Variants in SPMIP2 observed in about 807,000 individuals in gnomAD.
SPMIP2 encodes the protein protein SPMIP2.
chr4:159,022,402 T>A, the SPMIP2 span, among the ~76,000 whole-genome samples: 1 of 152,198 alleles, frequency 6.6e-6, no homozygotes, highest in Non-Finnish European at 1.5e-5. Context: ...TATGTTCCCA[T>A]CTTCTGATCT....
At chr4:159,030,007 T>A in the SPMIP2 span, among the ~76,000 whole-genome samples, 1 of 152,182 alleles carries the variant, frequency 6.6e-6, no homozygotes, top group Non-Finnish European at 1.5e-5. Flanking sequence ...AGTTAAGTGG[T>A]CGAGTATACC....
At chr4:158,963,889 C>T in the SPMIP2 span, among the ~76,000 whole-genome samples, 4 of 152,066 alleles carry the variant, frequency 2.6e-5, no homozygotes, top group Non-Finnish European at 5.9e-5. Flanking sequence ...CAGCCGAGTA[C>T]GGTGGCTCAC....
At chr4:158,899,667 G>A in the SPMIP2 span, among the ~76,000 whole-genome samples, 5 of 152,164 alleles carry the variant, frequency 3.3e-5, no homozygotes, top group African/African-American at 1.2e-4. Flanking sequence ...TCTGATGTTA[G>A]TTTGTATTTC....
chr4:159,039,043 A>G, the SPMIP2 span, among the ~76,000 whole-genome samples: 377 of 152,182 alleles, frequency 2.5e-3, 4 homozygotes, highest in Middle Eastern at 6.8e-3. Flanking sequence ...CAGGGGCTCA[A>G]TCATGGCTCA....
At chr4:158,932,923 A>C in the SPMIP2 span, among the ~76,000 whole-genome samples, 2 of 152,240 alleles carry the variant, frequency 1.3e-5, no homozygotes, top group African/African-American at 4.8e-5. Context: ...TATTACAAAG[A>C]TTCAGCCATG....
the SPMIP2 span, chr4:158,905,381 A>G: frequency 6.6e-6 from 1 of 152,180 alleles, no homozygotes; most frequent in Admixed American, 6.5e-5. Flanking sequence ...TACCAAAGTT[A>G]TTTCTATAAG....
chr4:159,025,019 A>G, the SPMIP2 span, among the ~76,000 whole-genome samples: 4 of 152,220 alleles, frequency 2.6e-5, no homozygotes, highest in Admixed American at 1.3e-4. Context: ...CATTTTACAG[A>G]TGGTGTAACT....
At chr4:158,914,694 G>A in the SPMIP2 span, among the ~76,000 whole-genome samples, 1 of 152,128 alleles carries the variant, frequency 6.6e-6, no homozygotes, top group Non-Finnish European at 1.5e-5. Flanking sequence ...ATTCAAAACA[G>A]ATACCAAAAT....
the SPMIP2 span, among the ~76,000 whole-genome samples, chr4:159,006,674 G>A: frequency 6.6e-6 from 1 of 152,146 alleles, no homozygotes; most frequent in Non-Finnish European, 1.5e-5. Flanking sequence ...GTAATCCCCA[G>A]GATGCATCTT....
chr4:158,979,294 TG>T, the SPMIP2 span, among the ~76,000 whole-genome samples: 2 of 152,146 alleles, frequency 1.3e-5, no homozygotes, highest in African/African-American at 4.8e-5. Context: ...CTGGGCTCCA[TG>T]GGGGTGGGAT....
the SPMIP2 span, among the ~76,000 whole-genome samples, chr4:158,902,995 GT>G: frequency 2.0e-5 from 3 of 152,130 alleles, no homozygotes; most frequent in African/African-American, 7.2e-5. Context: ...GGAGTGAACC[GT>G]TCTGTCTCGC....
chr4:158,972,513 T>A, the SPMIP2 span, among the ~76,000 whole-genome samples: 1 of 152,258 alleles, frequency 6.6e-6, no homozygotes, highest in Non-Finnish European at 1.5e-5. Flanking sequence ...TCTCAGATTT[T>A]ACTTCTAAAA....
chr4:158,958,856 A>T, the SPMIP2 span, among the ~76,000 whole-genome samples: 1 of 152,238 alleles, frequency 6.6e-6, no homozygotes, highest in South Asian at 2.1e-4. Context: ...GCCAGGAGTT[A>T]TAGATGAGTC....
the SPMIP2 span, among the ~76,000 whole-genome samples, chr4:159,006,201 A>G: frequency 6.6e-6 from 1 of 152,274 alleles, no homozygotes; most frequent in Admixed American, 6.5e-5. Flanking sequence ...GTGGATAATT[A>G]TAACTGTGGC....
chr4:159,075,581 AATCC>A, the SPMIP2 span, among the ~76,000 whole-genome samples: 1 of 152,158 alleles, frequency 6.6e-6, no homozygotes, highest in African/African-American at 2.4e-5. Context: ...CTTGGATTTG[AATCC>A]TGTGTGATAA....
the SPMIP2 span, among the ~76,000 whole-genome samples, chr4:159,017,356 T>TACACACACACAC: frequency 0.013 from 1,901 of 149,386 alleles, 35 homozygotes; most frequent in African/African-American, 0.044. Context: ...CACAAACACA[T>TACACACACACAC]ACACACACAC....
At chr4:159,026,606 TC>T in the SPMIP2 span, 2 of 346,650 alleles carry the variant, frequency 5.8e-6, no homozygotes, top group African/African-American at 5.0e-5. Flanking sequence ...CCATACTGCT[TC>T]TTTTTTTTCA....
the SPMIP2 span, among the ~76,000 whole-genome samples, chr4:159,023,192 T>C: frequency 6.6e-6 from 1 of 152,148 alleles, no homozygotes; most frequent in Non-Finnish European, 1.5e-5. Context: ...CCAGAAGATA[T>C]TAACATTTGA....
At chr4:159,034,151 T>C in the SPMIP2 span, among the ~76,000 whole-genome samples, 1 of 151,952 alleles carries the variant, frequency 6.6e-6, no homozygotes, top group African/African-American at 2.4e-5. Context: ...AATAAATAAT[T>C]TGGAAAAAAA....
Sources: allele counts gnomAD v4.1 joint callset (sites outside exome capture counted in the v4.1 genomes callset), GRCh38; gene constraint gnomAD v4.1.1; transcripts MANE v1.5; gene names NCBI Gene and HGNC (gene_info 2026-07-23, HGNC 2026-07-21).